The following WWOX variants were observed in gnomAD, a reference collection of about 807,000 sequenced individuals.
WWOX encodes the protein WW domain containing oxidoreductase, also known as WW domain-containing oxidoreductase.
Under a neutral mutation model 46.2 loss-of-function variants are expected in WWOX, and 69 were observed. The ratio of observed to expected loss-of-function variants is 1.49; its 90% CI spans 1.23 to 1.82. The LOEUF (loss-of-function observed/expected upper bound fraction) is 1.82, where lower values mean the gene tolerates loss of function less well. Among genes scored for constraint, WWOX ranks in the 40% most tolerant of loss-of-function variants. The probability of loss-of-function intolerance (pLI) is 0.00; values close to 1 mark genes in which losing one functional copy is unlikely to be tolerated. For missense variants in WWOX, 919 were observed against 542.6 expected (o/e 1.69, Z -6.89); for synonymous variants, 359 against 202.6 (o/e 1.77, Z -6.56).
chr16:79,163,115 A>C (rs2050519450), intron 8 of WWOX, among the ~76,000 whole-genome samples: 1 of 152,176 alleles, frequency 6.6e-6, no homozygotes, highest in Non-Finnish European at 1.5e-5. Flanking sequence ...ATTTGTGTGC[A>C]GGAGATGGCT....
chr16:78,807,868 C>G (rs1021312276), intron 8 of WWOX, among the ~76,000 whole-genome samples: 7 of 152,214 alleles, frequency 4.6e-5, no homozygotes, highest in African/African-American at 1.7e-4. Context: ...GTTTCATTAA[C>G]TAGCCTCATT....
chr16:78,560,588 G>T (rs374173737), intron 8 of WWOX, among the ~76,000 whole-genome samples: 24 of 152,288 alleles, frequency 1.6e-4, no homozygotes, highest in South Asian at 6.2e-4. Flanking sequence ...AGGTTGCAGT[G>T]AGCTGAGATC....
chr16:78,833,536 ACT>A (rs2151160688), intron 8 of WWOX, among the ~76,000 whole-genome samples: 1 of 151,806 alleles, frequency 6.6e-6, no homozygotes, highest in East Asian at 1.9e-4. Context: ...CAGTGAGGAC[ACT>A]CTTTTATCAT....
intron 8 of WWOX, among the ~76,000 whole-genome samples, chr16:78,632,232 G>C (rs1373774582): frequency 6.6e-6 from 1 of 152,132 alleles, no homozygotes; most frequent in Non-Finnish European, 1.5e-5. Flanking sequence ...TCTGTACAAT[G>C]GGGTTAATAC....
chr16:79,063,436 A>G (rs2048389327), intron 8 of WWOX, among the ~76,000 whole-genome samples: 1 of 152,240 alleles, frequency 6.6e-6, no homozygotes, highest in South Asian at 2.1e-4. Context: ...TCAAAACGAT[A>G]TAAACTAACT....
chr16:78,897,869 G>GTA (rs2044738325), intron 8 of WWOX: 1 of 151,980 alleles, frequency 6.6e-6, no homozygotes, highest in Admixed American at 6.6e-5. Flanking sequence ...CCTTTTTGTG[G>GTA]GTGAGAAACG....
intron 8 of WWOX, among the ~76,000 whole-genome samples, chr16:78,969,350 C>G (rs2046425704): frequency 6.6e-6 from 1 of 151,818 alleles, no homozygotes; most frequent in Admixed American, 6.6e-5. Flanking sequence ...GCCCACTGCA[C>G]CCTCCATCTC....
intron 8 of WWOX, among the ~76,000 whole-genome samples, chr16:78,549,152 T>C (rs1187967198): frequency 6.6e-6 from 1 of 152,200 alleles, no homozygotes; most frequent in Non-Finnish European, 1.5e-5. Context: ...ACATCCGTAA[T>C]TGGGAGAGAT....
At chr16:78,465,474 C>T (rs887874584) in intron 8 of WWOX, among the ~76,000 whole-genome samples, 6 of 152,162 alleles carry the variant, frequency 3.9e-5, no homozygotes, top group Admixed American at 6.5e-5. Context: ...GCCACCACAC[C>T]CAGCCTGGGG....
At chr16:78,947,460 A>G (rs2045972018) in intron 8 of WWOX, among the ~76,000 whole-genome samples, 1 of 152,158 alleles carries the variant, frequency 6.6e-6, no homozygotes, top group Non-Finnish European at 1.5e-5. Context: ...GAGTGAGGAA[A>G]CGCTCTCTTC....
chr16:78,140,489 A>T (rs2033949009), intron 4 of WWOX, among the ~76,000 whole-genome samples: 1 of 152,142 alleles, frequency 6.6e-6, no homozygotes, highest in African/African-American at 2.4e-5. Flanking sequence ...TGGTAGGGCC[A>T]TACTCCCTTT....
At chr16:78,373,426 C>G (rs551809611) in intron 5 of WWOX, among the ~76,000 whole-genome samples, 10 of 152,280 alleles carry the variant, frequency 6.6e-5, no homozygotes, top group Admixed American at 5.9e-4. Context: ...GAACCCAATT[C>G]ATATGAGAAA....
chr16:78,545,623 C>T (rs1234312045), intron 8 of WWOX, among the ~76,000 whole-genome samples: 2 of 152,180 alleles, frequency 1.3e-5, no homozygotes, highest in Non-Finnish European at 2.9e-5. Flanking sequence ...GATTAAATAG[C>T]CATTGAGTCT....
At chr16:79,098,578 A>T (rs576086322) in intron 8 of WWOX, among the ~76,000 whole-genome samples, 3 of 152,352 alleles carry the variant, frequency 2.0e-5, no homozygotes, top group South Asian at 4.1e-4. Flanking sequence ...GTGTTGAGCA[A>T]ACTTCCCTTG....
chr16:78,128,387 C>G (rs1249308609), intron 4 of WWOX, among the ~76,000 whole-genome samples: 2 of 152,290 alleles, frequency 1.3e-5, no homozygotes, highest in Middle Eastern at 3.4e-3. Context: ...GGAGCAGAAA[C>G]TTGATTCAAT....
At chr16:79,202,460 T>A (rs950739327) in intron 8 of WWOX, among the ~76,000 whole-genome samples, 3 of 152,150 alleles carry the variant, frequency 2.0e-5, no homozygotes, top group African/African-American at 7.2e-5. Context: ...ATTCTAGATG[T>A]TTTTTAGGAA....
intron 4 of WWOX, among the ~76,000 whole-genome samples, chr16:78,152,601 G>C (rs538483263): frequency 6.6e-6 from 1 of 152,304 alleles, no homozygotes; most frequent in South Asian, 2.1e-4. Context: ...CTGTCTGCAT[G>C]TGCCTGTCTA....
At chr16:78,610,629 G>A (rs1412446517) in intron 8 of WWOX, among the ~76,000 whole-genome samples, 2 of 151,970 alleles carry the variant, frequency 1.3e-5, no homozygotes, top group Non-Finnish European at 2.9e-5. Context: ...GTTTATATCT[G>A]TTGCCCCTTC....
chr16:79,078,980 G>A (rs999312247), intron 8 of WWOX, among the ~76,000 whole-genome samples: 2 of 152,156 alleles, frequency 1.3e-5, no homozygotes, highest in African/African-American at 4.8e-5. Context: ...CCCCAAATTT[G>A]ATAGAAATCA....
Sources: allele counts gnomAD v4.1 joint callset (sites outside exome capture counted in the v4.1 genomes callset), GRCh38; gene constraint gnomAD v4.1.1; transcripts MANE v1.5; gene names NCBI Gene and HGNC (gene_info 2026-07-23, HGNC 2026-07-21).